Variants in LRP1B observed in about 807,000 individuals in gnomAD.
LRP1B encodes the protein low-density lipoprotein receptor-related protein 1B.
In LRP1B, 217 loss-of-function variants were observed where a neutral mutation model predicts 556.6. The ratio of observed to expected loss-of-function variants is 0.39; its 90% confidence interval spans 0.35 to 0.44. LRP1B has a LOEUF of 0.44. LRP1B is among the 20% of genes least tolerant of loss of function. The pLI, the probability that LRP1B is intolerant of heterozygous loss-of-function variation, is 1.00. For synonymous variants in LRP1B, 2,047 were observed against 1,865.8 expected, an observed-to-expected ratio of 1.10 and a Z score of -2.50; for missense variants, 5,053 against 5,620.8, an observed-to-expected ratio of 0.90 and a Z score of 3.23.
At chr2:141,995,106 ATTAG>A (rs1414596082) in intron 1 of LRP1B, among the ~76,000 whole-genome samples, 1 of 152,154 alleles carries the variant, frequency 6.6e-6, no homozygotes, top group African/African-American at 2.4e-5. Context: ...ATAATAGCAT[ATTAG>A]TTTTCTATTG....
chr2:140,378,389 G>A lies in LRP1B; in HGVS notation c.10532-103C>T, dbSNP rs1437326969. ...GGTAGCATTAAAGAAAAAAAAAGAG[G>A]TTAGTCAGACAGAACCAATATATTG... On this transcript the variant is annotated intron_variant, in intron 67 of 90. Coordinates refer to ENST00000389484, the MANE Select transcript of LRP1B (RefSeq NM_018557.3). The A allele has an allele frequency of 4.3e-5, 27 of 624,984 alleles. No individual in the cohort carries two copies. In the Admixed American group the frequency reaches 7.8e-4, roughly 18 times the overall value. 38.7% of individuals were successfully genotyped at this position (624,984 alleles called of 1,614,324 possible). A position where few individuals can be genotyped will look rare whatever the true frequency, so the allele number is the denominator to read the frequency against.
intron 18 of LRP1B, among the ~76,000 whole-genome samples, chr2:140,967,792 A>G (rs1216003058): frequency 2.0e-5 from 3 of 151,926 alleles, no homozygotes; most frequent in Non-Finnish European, 4.4e-5. Flanking sequence ...CATCTATTGA[A>G]ATAATCATGT....
intron 3 of LRP1B, among the ~76,000 whole-genome samples, chr2:141,272,205 A>G (rs1345561289): frequency 6.6e-6 from 1 of 152,120 alleles, no homozygotes; most frequent in African/African-American, 2.4e-5. Flanking sequence ...GAATAGAGTT[A>G]TTTATATATG....
intron 52 of LRP1B, among the ~76,000 whole-genome samples, chr2:140,507,667 T>G (rs928073769): frequency 6.6e-6 from 1 of 152,156 alleles, no homozygotes; most frequent in African/African-American, 2.4e-5. Context: ...ACCATACGCA[T>G]AGAATCATAA....
intron 66 of LRP1B, among the ~76,000 whole-genome samples, chr2:140,389,606 T>G (rs538265273): frequency 6.7e-6 from 1 of 150,238 alleles, no homozygotes; most frequent in Non-Finnish European, 1.5e-5. Context: ...TATAAAACAT[T>G]GCTGAGAAAA....
At chr2:141,662,815 C>T (rs564336081) in intron 2 of LRP1B, among the ~76,000 whole-genome samples, 7 of 152,000 alleles carry the variant, frequency 4.6e-5, no homozygotes, top group African/African-American at 7.2e-5. Flanking sequence ...ACTCACCTCT[C>T]GATCAAGTGG....
intron 31 of LRP1B, among the ~76,000 whole-genome samples, chr2:140,815,549 G>A (rs1691087812): frequency 6.6e-6 from 1 of 152,110 alleles, no homozygotes; most frequent in Non-Finnish European, 1.5e-5. Flanking sequence ...TCAGAGTCAG[G>A]ACATGTGTGG....
At chr2:140,905,497 G>A (rs182188750) in intron 22 of LRP1B, among the ~76,000 whole-genome samples, 16 of 152,156 alleles carry the variant, frequency 1.1e-4, no homozygotes, top group East Asian at 9.7e-4. Flanking sequence ...AGCTGAGAGC[G>A]TTCTCTTTGA....
At chr2:140,620,881 G>T (rs1234002176) in intron 41 of LRP1B, among the ~76,000 whole-genome samples, 3 of 151,984 alleles carry the variant, frequency 2.0e-5, no homozygotes, top group Non-Finnish European at 4.4e-5. Flanking sequence ...AAATTAACAT[G>T]AAGTTAACAT....
At chr2:142,047,005 G>T (rs1704282034) in intron 1 of LRP1B, among the ~76,000 whole-genome samples, 3 of 151,986 alleles carry the variant, frequency 2.0e-5, no homozygotes, top group South Asian at 4.1e-4. Context: ...GCACAGTAGG[G>T]TTCAAAACCA....
intron 3 of LRP1B, among the ~76,000 whole-genome samples, chr2:141,331,910 C>T (rs1687671872): frequency 6.6e-6 from 1 of 152,106 alleles, no homozygotes; most frequent in Non-Finnish European, 1.5e-5. Flanking sequence ...CTTGTAGCTT[C>T]CTAGAATTAT....
At chr2:141,062,308 T>G (rs768901539) in intron 7 of LRP1B, 35 bp from the exon 8 acceptor site, 1 of 1,473,028 alleles carries the variant, frequency 6.8e-7, no homozygotes, top group Non-Finnish European at 9.3e-7. Flanking sequence ...AAGTGGAGGG[T>G]GGGGGAGGGA....
intron 41 of LRP1B, among the ~76,000 whole-genome samples, chr2:140,607,182 T>TA (rs1682897681): frequency 6.6e-6 from 1 of 152,126 alleles, no homozygotes; most frequent in South Asian, 2.1e-4. Context: ...GATGAACACA[T>TA]AAAAAATGCT....
chr2:140,710,284 T>C (rs992854311), intron 37 of LRP1B, among the ~76,000 whole-genome samples: 12 of 151,812 alleles, frequency 7.9e-5, no homozygotes, highest in East Asian at 3.9e-4. Context: ...CAGATGGAAA[T>C]AGGTGATGAA....
intron 41 of LRP1B, among the ~76,000 whole-genome samples, chr2:140,644,401 C>CTT (rs34828807): frequency 0.013 from 1,717 of 132,820 alleles, 43 homozygotes; most frequent in African/African-American, 0.043. Flanking sequence ...TTTCTTTTTT[C>CTT]TTTTTTTTTT....
chr2:141,237,653 T>C (rs1289267913), intron 5 of LRP1B, among the ~76,000 whole-genome samples: 1 of 152,218 alleles, frequency 6.6e-6, no homozygotes, highest in Non-Finnish European at 1.5e-5. Context: ...ATTCACAGCA[T>C]ATTTCAACTT....
At chr2:141,186,167 A>G (rs1163800548) in intron 7 of LRP1B, among the ~76,000 whole-genome samples, 1 of 150,404 alleles carries the variant, frequency 6.6e-6, no homozygotes, top group African/African-American at 2.4e-5. Flanking sequence ...ATTTTTCTCC[A>G]TTTTAAAATC....
At chr2:140,975,982 A>G (rs1308930180) in intron 18 of LRP1B, among the ~76,000 whole-genome samples, 1 of 152,044 alleles carries the variant, frequency 6.6e-6, no homozygotes, top group African/African-American at 2.4e-5. Context: ...GCTGGAATGC[A>G]TCATGGCTCA....
At chr2:140,383,156 T>C (rs1406142869) in intron 67 of LRP1B, among the ~76,000 whole-genome samples, 2 of 152,168 alleles carry the variant, frequency 1.3e-5, no homozygotes, top group African/African-American at 2.4e-5. Flanking sequence ...GATTTATATG[T>C]CTGTGATATG....
Sources: allele counts gnomAD v4.1 joint callset (sites outside exome capture counted in the v4.1 genomes callset), GRCh38; gene constraint gnomAD v4.1.1; transcripts MANE v1.5; gene names NCBI Gene and HGNC (gene_info 2026-07-23, HGNC 2026-07-21).